Variants in SLC6A17 observed in about 807,000 individuals in gnomAD.
SLC6A17 encodes sodium-dependent neutral amino acid transporter SLC6A17.
In SLC6A17, 21 loss-of-function variants were observed where a neutral mutation model predicts 64.5. The observed-to-expected ratio is 0.33, with a 90% confidence interval of 0.23 to 0.47. The LOEUF (loss-of-function observed/expected upper bound fraction) is 0.47. SLC6A17 is among the 20% of genes least tolerant of loss of function. The pLI is 1.00. For missense variants in SLC6A17, 682 were observed against 963.2 expected (o/e 0.71, Z 3.86); for synonymous variants, 372 against 399.5 (o/e 0.93, Z 0.82).
At chr1:110,151,511 G>A (rs1312278287) in intron 1 of SLC6A17, among the ~76,000 whole-genome samples, 1 of 152,224 alleles carries the variant, frequency 6.6e-6, no homozygotes, top group Non-Finnish European at 1.5e-5. Context: ...ACGTGCGTGT[G>A]GTGCCCATCT....
In SLC6A17 at chr1:110,185,126, A is replaced by C. The variant is rs1341704238; in HGVS notation, c.865-6846A>C. On this transcript the variant is annotated intron_variant, in intron 6 of 11. Coordinates refer to ENST00000331565, the MANE Select transcript of SLC6A17 (RefSeq NM_001010898.4). Reference sequence around the variant, plus strand: ...GCTCTGGAGCCAGACGATCTGGTTCAGACTCTACCTCATCACTCAGCAGTT... The same window carrying C: ...GCTCTGGAGCCAGACGATCTGGTTCCGACTCTACCTCATCACTCAGCAGTT... Among the ~76,000 whole-genome samples, 4 of 152,318 alleles carry C rather than the reference A, an allele frequency of 2.6e-5. No individual in the cohort carries two copies. The East Asian group carries it at 7.7e-4, about 29-fold the overall frequency.
At chr1:110,188,487 G>T (rs927443528) in intron 6 of SLC6A17, among the ~76,000 whole-genome samples, 2 of 152,036 alleles carry the variant, frequency 1.3e-5, no homozygotes, top group African/African-American at 2.4e-5. Flanking sequence ...AGATGATTTT[G>T]CCTCCTGCTT....
intron 6 of SLC6A17, among the ~76,000 whole-genome samples, chr1:110,186,331 C>A (rs193161204): frequency 2.1e-3 from 319 of 151,322 alleles, no homozygotes; most frequent in Non-Finnish European, 3.5e-3. Flanking sequence ...GATCCTAAAC[C>A]TTTTAGGTTT....
intron 6 of SLC6A17, among the ~76,000 whole-genome samples, chr1:110,190,406 T>C (rs1656793952): frequency 1.3e-5 from 2 of 152,114 alleles, no homozygotes; most frequent in South Asian, 4.1e-4. Context: ...CCCCTCAGCA[T>C]GGGGGTGCCG....
chr1:110,174,860 C>G lies in SLC6A17; in HGVS notation c.653C>G (p.Ser218Trp). ...GCCTTGGACATCTCTGACTCCATCT[C>G]GGAGAGTGGGGGCCTCAACTGGAAG... is the stretch of plus-strand genomic sequence containing the variant. ...REALDISDSI[S>W]ESGGLNWKMT... The change falls in exon 5 of 12, where the codon TCG (serine) becomes TGG (tryptophan). Residue 218 changes from serine to tryptophan, a missense_variant. Physicochemically the swap from Ser to Trp is radical, Grantham distance 177. Around this residue, in one of 3 missense-constraint regions of SLC6A17, gnomAD observed 415 missense variants for 603.8 expected, o/e 0.69. Transcript: ENST00000331565. 1 of 1,614,172 alleles carries G rather than the reference C, an allele frequency of 6.2e-7. No homozygotes were observed. Among genetic ancestry groups the G allele is most frequent in the Non-Finnish European group, 8.5e-7 (1 of 1,180,028 alleles).
intron 5 of SLC6A17, among the ~76,000 whole-genome samples, chr1:110,176,383 A>G (rs1431557746): frequency 2.6e-5 from 4 of 152,148 alleles, no homozygotes; most frequent in Non-Finnish European, 4.4e-5. Context: ...GCTCAGCCCC[A>G]GAAGCTCTGG....
Position 110,199,585 on chromosome 1 carries a change from C to G in SLC6A17, c.*1141C>G, listed in dbSNP as rs1657063985. 1 of 186,638 alleles carries G rather than the reference C, an allele frequency of 5.4e-6. No homozygotes were observed. The highest frequency in any genetic ancestry group is 2.3e-5 in the African/African-American group (1 of 42,996). The allele number at this position is 186,638 out of a possible 1,614,324, so 11.6% of individuals were successfully genotyped here. A position where few individuals can be genotyped will look rare whatever the true frequency, so the allele number is the denominator to read the frequency against. On this transcript the variant is annotated 3_prime_UTR_variant, in exon 12 of 12. Transcript: ENST00000331565. The stretch of plus-strand genomic sequence containing the variant: ...AAGCACAGCCGCCCAGTGTGCACAT[C>G]ATGTGCAGACACCTTGGAAACCTTT...
At chr1:110,161,458 A>T (rs2101839740) in intron 1 of SLC6A17, among the ~76,000 whole-genome samples, 1 of 151,924 alleles carries the variant, frequency 6.6e-6, no homozygotes, top group Middle Eastern at 3.4e-3. Context: ...CTTTTTAAGG[A>T]TGTGCTTGGC....
At chr1:110,196,202 T>A (rs554991700) in intron 10 of SLC6A17, among the ~76,000 whole-genome samples, 1 of 152,166 alleles carries the variant, frequency 6.6e-6, no homozygotes, top group Non-Finnish European at 1.5e-5. Flanking sequence ...TAAGAAAGGA[T>A]TGGGTCTCAC....
In SLC6A17 at chr1:110,200,207, A is replaced by G. The variant is rs78634376; in HGVS notation, c.*1763A>G. 1,304 of 397,496 alleles carry G rather than the reference A, an allele frequency of 3.3e-3. 15 individuals carry two copies. Among genetic ancestry groups the G allele is most frequent in the African/African-American group, 0.024 (1,176 of 48,468 alleles). The allele number at this position is 397,496 out of a possible 1,614,324, so 24.6% of individuals were successfully genotyped here. ...TTACTGTTCCCCCAAGCCTGGGAGCAGTCTATCCCCCAACCCTGCCATCTC... is the reference window on the plus strand; with the variant it reads ...TTACTGTTCCCCCAAGCCTGGGAGCGGTCTATCCCCCAACCCTGCCATCTC... On this transcript the variant is annotated 3_prime_UTR_variant, in exon 12 of 12. Coordinates refer to ENST00000331565, the MANE Select transcript of SLC6A17 (RefSeq NM_001010898.4).
chr1:110,154,339 C>T (rs989162667), intron 1 of SLC6A17, among the ~76,000 whole-genome samples: 1 of 152,218 alleles, frequency 6.6e-6, no homozygotes, highest in East Asian at 1.9e-4. Flanking sequence ...ATGTTCCTAA[C>T]CTCTATGTGA....
chr1:110,188,590 T>G (rs1018811439), intron 6 of SLC6A17, among the ~76,000 whole-genome samples: 3 of 152,028 alleles, frequency 2.0e-5, no homozygotes, highest in African/African-American at 7.2e-5. Context: ...CATCCTGTCC[T>G]CCCTCCCTCC....
rs1570982195 is a variant in SLC6A17 at position 110,165,159 on chromosome 1, G to T, written c.-87-1684G>T. ...TGCAGACGGGGACCTGCTGAGTGAG[G>T]AGAGGAGCTCGCCCTGGCAGCCCAG... On this transcript the variant is annotated intron_variant, in intron 1 of 11. Coordinates refer to ENST00000331565, the MANE Select transcript of SLC6A17 (RefSeq NM_001010898.4). Among the ~76,000 whole-genome samples the T allele has an allele frequency of 2.0e-5, 3 of 152,280 alleles. No homozygotes were observed. In the South Asian group the frequency reaches 6.2e-4, roughly 32 times the overall value.
Position 110,199,582 on chromosome 1 carries a change from C to T in SLC6A17, c.*1138C>T, listed in dbSNP as rs114579412. Reference sequence around the variant, plus strand: ...CACAAGCACAGCCGCCCAGTGTGCACATCATGTGCAGACACCTTGGAAACC... The same window carrying T: ...CACAAGCACAGCCGCCCAGTGTGCATATCATGTGCAGACACCTTGGAAACC... On this transcript the variant is annotated 3_prime_UTR_variant, in exon 12 of 12. Transcript: ENST00000331565. The T allele has an allele frequency of 3.6e-3, 667 of 183,340 alleles. 5 individuals are homozygous for T. Among genetic ancestry groups the T allele is most frequent in the African/African-American group, 0.015 (632 of 42,894 alleles). The allele number at this position is 183,340 out of a possible 1,614,324, so 11.4% of individuals were successfully genotyped here.
At position 110,200,120 on chromosome 1, in the gene SLC6A17, T is replaced by C. The variant is rs1489215613; in HGVS notation, c.*1676T>C. The C allele has an allele frequency of 5.0e-6, 2 of 398,358 alleles. No individual in the cohort carries two copies. The highest frequency in any genetic ancestry group is 8.8e-6 in the Non-Finnish European group (2 of 226,054). The allele number at this position is 398,358 out of a possible 1,614,324, so 24.7% of individuals were successfully genotyped here. A position where few individuals can be genotyped will look rare whatever the true frequency, so the allele number is the denominator to read the frequency against. On this transcript the variant is annotated 3_prime_UTR_variant, in exon 12 of 12. Transcript: ENST00000331565. ...TCGCAAGTCACTCTTGTGGCTCAGATTGCTCTTAGGACCTGGAGGGACAGA... is the reference window on the plus strand; with the variant it reads ...TCGCAAGTCACTCTTGTGGCTCAGACTGCTCTTAGGACCTGGAGGGACAGA...
intron 1 of SLC6A17, among the ~76,000 whole-genome samples, chr1:110,156,562 C>A (rs1382161067): frequency 1.3e-5 from 2 of 152,172 alleles, no homozygotes; most frequent in East Asian, 3.8e-4. Context: ...TCTGAATCCC[C>A]GCTCTTCCAT....
At chr1:110,175,674 G>A (rs1656355859) in intron 5 of SLC6A17, among the ~76,000 whole-genome samples, 1 of 152,298 alleles carries the variant, frequency 6.6e-6, no homozygotes, top group Admixed American at 6.5e-5. Flanking sequence ...TCTCAGAGCT[G>A]CAACTAGAAC....
chr1:110,176,859 T>C, intron 6 of SLC6A17, 120 bp downstream of exon 6: 1 of 872,686 alleles, frequency 1.1e-6, no homozygotes, highest in Non-Finnish European at 1.8e-6. Flanking sequence ...TTGGGTATCG[T>C]ACCAGGCCCT....
At chr1:110,175,395 G>A (rs941399350) in intron 5 of SLC6A17, among the ~76,000 whole-genome samples, 1 of 152,206 alleles carries the variant, frequency 6.6e-6, no homozygotes, top group African/African-American at 2.4e-5. Flanking sequence ...TAGACGCTAT[G>A]AGTGAAGGGG....
Sources: allele counts gnomAD v4.1 joint callset (sites outside exome capture counted in the v4.1 genomes callset), GRCh38; gene constraint gnomAD v4.1.1; regional missense constraint gnomAD v4.1.1; transcripts MANE v1.5; gene names NCBI Gene and HGNC (gene_info 2026-07-23, HGNC 2026-07-21).